Variants in SLCO3A1 observed in about 807,000 individuals in gnomAD.
SLCO3A1 encodes PGE1 transporter.
A neutral mutation model predicts 63.1 loss-of-function variants in SLCO3A1; 27 were observed. The ratio of observed to expected loss-of-function variants is 0.43; its 90% CI spans 0.32 to 0.59. The LOEUF (loss-of-function observed/expected upper bound fraction) is 0.59. Among genes scored for constraint, SLCO3A1 ranks in the 20% least tolerant of loss-of-function variants. The pLI, the probability that SLCO3A1 is intolerant of heterozygous loss-of-function variation, is 0.09. For missense variants in SLCO3A1, 773 were observed against 945.8 expected (o/e 0.82, Z 2.40); for synonymous variants, 473 against 409.9 (o/e 1.15, Z -1.86).
At chr15:92,116,100 C>A (rs542423594) in intron 4 of SLCO3A1, among the ~76,000 whole-genome samples, 2 of 152,254 alleles carry the variant, frequency 1.3e-5, no homozygotes, top group African/African-American at 4.8e-5. Context: ...ACCATGGGAC[C>A]TCTCTCTGCC....
chr15:91,911,687 C>T (rs935789106), intron 1 of SLCO3A1, among the ~76,000 whole-genome samples: 9 of 151,792 alleles, frequency 5.9e-5, no homozygotes, highest in African/African-American at 2.2e-4. Flanking sequence ...AGTGCAGTGG[C>T]GCAGTCTTGG....
At chr15:91,986,470 AT>A (rs35508476) in intron 2 of SLCO3A1, among the ~76,000 whole-genome samples, 34,838 of 151,442 alleles carry the variant, frequency 0.23, 4,473 homozygotes, top group East Asian at 0.34. Context: ...TCTAGTAGCC[AT>A]TTTTTTTTAA....
chr15:91,853,734 G>GGGGGA lies in SLCO3A1; in HGVS notation c.-175_-174insGGGGA. 1 of 571,236 alleles carries GGGGGA rather than the reference G, an allele frequency of 1.8e-6. No individual in the cohort carries two copies. Among genetic ancestry groups the GGGGGA allele is most frequent in the Non-Finnish European group, 2.3e-6 (1 of 440,950 alleles). 35.4% of individuals were successfully genotyped at this position (571,236 alleles called of 1,614,324 possible). On this transcript the variant is annotated 5_prime_UTR_variant, in exon 1 of 10. Coordinates refer to ENST00000318445, the MANE Select transcript of SLCO3A1 (RefSeq NM_013272.4). ...CGATCGCGGCGGCGGCGGCGGCGGC[G>GGGGGA]AGGAGCTGTGCCTTCCACCTCTCCA...
In SLCO3A1 at chr15:91,904,818, A is replaced by G. The variant is rs151176582; in HGVS notation, c.181-11175A>G. On this transcript the variant is annotated intron_variant, in intron 1 of 9. Transcript: ENST00000318445. The stretch of plus-strand genomic sequence containing the variant: ...TGCATGCACAAGCTTTGGTAATCAT[A>G]TTATTTTATTAGCGTATTTATGGAG... 3.4e-3 allele frequency among the ~76,000 whole-genome samples: 516 copies of G among 152,306 alleles called. 6 individuals are homozygous for G. Among genetic ancestry groups the G allele is most frequent in the African/African-American group, 0.012 (490 of 41,564 alleles).
At position 91,973,917 on chromosome 15, in the gene SLCO3A1, C is replaced by G. The variant is rs1469035205; in HGVS notation, c.646+57459C>G. Among the ~76,000 whole-genome samples, 4 of 152,288 alleles carry G rather than the reference C, an allele frequency of 2.6e-5. No individual in the cohort carries two copies. In the East Asian group the frequency reaches 7.7e-4, roughly 29 times the overall value. ...CCAGAAACTTCTATAAAGGTATTTC[C>G]TTCTGATGTGCCATCATTCCTGGCT... On this transcript the variant is annotated intron_variant, in intron 2 of 9. Transcript: ENST00000318445.
chr15:92,072,239 T>A (rs558691367), intron 2 of SLCO3A1, among the ~76,000 whole-genome samples: 1 of 151,990 alleles, frequency 6.6e-6, no homozygotes, highest in Non-Finnish European at 1.5e-5. Context: ...ATGCATTGTG[T>A]GTTTAAAAGG....
intron 1 of SLCO3A1, among the ~76,000 whole-genome samples, chr15:91,908,147 C>G (rs1898370850): frequency 6.6e-6 from 1 of 152,086 alleles, no homozygotes; most frequent in Non-Finnish European, 1.5e-5. Flanking sequence ...AGTGCCTTGT[C>G]TCATATTACC....
At chr15:92,105,198 A>G (rs1301538895) in intron 4 of SLCO3A1, among the ~76,000 whole-genome samples, 1 of 152,154 alleles carries the variant, frequency 6.6e-6, no homozygotes, top group South Asian at 2.1e-4. Context: ...CCTGGGTTCA[A>G]GCTCACCAGA....
intron 3 of SLCO3A1, among the ~76,000 whole-genome samples, chr15:92,099,153 A>G (rs1211241311): frequency 6.6e-6 from 1 of 152,250 alleles, no homozygotes; most frequent in African/African-American, 2.4e-5. Flanking sequence ...AGAAGGCTGC[A>G]TGGCGTTTGC....
chr15:91,858,643 C>T (rs908285089), intron 1 of SLCO3A1, among the ~76,000 whole-genome samples: 5 of 152,210 alleles, frequency 3.3e-5, no homozygotes, highest in East Asian at 1.9e-4. Context: ...GCAGTGGCAC[C>T]GCCTTGCTAA....
chr15:92,088,589 G>A (rs1201439551), intron 2 of SLCO3A1, among the ~76,000 whole-genome samples: 1 of 152,144 alleles, frequency 6.6e-6, no homozygotes, highest in East Asian at 1.9e-4. Flanking sequence ...GTCCTACTGG[G>A]CTACAATCAA....
At chr15:91,994,011 T>G (rs1280803544) in intron 2 of SLCO3A1, among the ~76,000 whole-genome samples, 2 of 152,228 alleles carry the variant, frequency 1.3e-5, no homozygotes, top group African/African-American at 4.8e-5. Flanking sequence ...CGGATGACTG[T>G]GGCCCTGGCT....
chr15:92,106,857 G>A (rs1175372405), intron 4 of SLCO3A1, among the ~76,000 whole-genome samples: 1 of 152,204 alleles, frequency 6.6e-6, no homozygotes, highest in African/African-American at 2.4e-5. Flanking sequence ...GTCAGCGGCA[G>A]AGCTGAGCCA....
chr15:91,970,720 G>T (rs999142555), intron 2 of SLCO3A1, among the ~76,000 whole-genome samples: 1 of 152,166 alleles, frequency 6.6e-6, no homozygotes, highest in Non-Finnish European at 1.5e-5. Context: ...CTGCCACTGT[G>T]CAGTGCCCTG....
chr15:92,086,908 G>C (rs1046689548), intron 2 of SLCO3A1, among the ~76,000 whole-genome samples: 9 of 151,796 alleles, frequency 5.9e-5, no homozygotes, highest in Non-Finnish European at 1.3e-4. Context: ...CCTGGTGTGG[G>C]GACGGCAGAG....
intron 9 of SLCO3A1, 159 bp from the exon 10 acceptor site, chr15:92,162,597 G>A: frequency 1.7e-6 from 2 of 1,198,284 alleles, no homozygotes; most frequent in South Asian, 1.6e-5. Flanking sequence ...AGGCAGAACT[G>A]GGACACAAAC....
At chr15:92,054,261 A>T (rs1019604817) in intron 2 of SLCO3A1, among the ~76,000 whole-genome samples, 1 of 152,122 alleles carries the variant, frequency 6.6e-6, no homozygotes, top group Non-Finnish European at 1.5e-5. Flanking sequence ...TAAAATGGGG[A>T]TGCTTTTGTG....
At chr15:92,051,708 G>A (rs1289884843) in intron 2 of SLCO3A1, among the ~76,000 whole-genome samples, 1 of 152,070 alleles carries the variant, frequency 6.6e-6, no homozygotes, top group Non-Finnish European at 1.5e-5. Context: ...CTAGGTTCGT[G>A]CTTGTATCTG....
At chr15:92,048,709 G>C (rs973062607) in intron 2 of SLCO3A1, among the ~76,000 whole-genome samples, 2 of 152,158 alleles carry the variant, frequency 1.3e-5, no homozygotes, top group Admixed American at 1.3e-4. Context: ...GACCAGCCTG[G>C]CCAACATGGT....
Sources: allele counts gnomAD v4.1 joint callset (sites outside exome capture counted in the v4.1 genomes callset), GRCh38; gene constraint gnomAD v4.1.1; transcripts MANE v1.5; gene names NCBI Gene and HGNC (gene_info 2026-07-23, HGNC 2026-07-21).